The following AFF2 variants were observed in gnomAD, a reference collection of about 807,000 sequenced individuals.
AFF2 encodes AF4/FMR2 family member 2.
A neutral mutation model predicts 76.9 loss-of-function variants in AFF2; 14 were observed. The ratio of observed to expected loss-of-function variants is 0.18; its 90% CI spans 0.12 to 0.28. AFF2 has a LOEUF of 0.28. Among genes scored for constraint, AFF2 ranks in the 10% least tolerant of loss-of-function variants. The pLI is 1.00. For missense variants in AFF2, 868 were observed against 1,001.1 expected, an observed-to-expected ratio of 0.87 and a Z score of 1.79; for synonymous variants, 398 against 366.7, an observed-to-expected ratio of 1.09 and a Z score of -0.98.
Position 148,976,944 on chromosome X carries a change from G to A in AFF2, c.3405-989G>A, listed in dbSNP as rs1158070335. Reference sequence around the variant, plus strand: ...AGAGCAATAACCAGGAGAGCAAGGCGGCTAGAATGCTGAGGAGGCCGAGTC... The same window carrying A: ...AGAGCAATAACCAGGAGAGCAAGGCAGCTAGAATGCTGAGGAGGCCGAGTC... On this transcript the variant is annotated intron_variant, in intron 16 of 20. Transcript: ENST00000370460. Among the ~76,000 whole-genome samples the A allele has an allele frequency of 5.3e-5, 6 of 112,651 alleles. No homozygotes were observed. The Admixed American group carries it at 5.6e-4, about 11-fold the overall frequency.
chrX:148,521,844 A>G (rs782777155), intron 1 of AFF2, among the ~76,000 whole-genome samples: 6 of 112,133 alleles, frequency 5.4e-5, no homozygotes, highest in African/African-American at 1.9e-4. Context: ...TCTTGCACTG[A>G]GATTGAAAAG....
chrX:148,539,685 C>T (rs982724001), intron 1 of AFF2, among the ~76,000 whole-genome samples: 3 of 110,192 alleles, frequency 2.7e-5, no homozygotes, highest in African/African-American at 9.9e-5. Context: ...AAAAATAAAA[C>T]ATTGAACTAG....
rs2072025500 is a variant in AFF2 at position 148,955,708 on chromosome X, A to G, written c.1663A>G (p.Thr555Ala). ...TGGCCAAAATGAAACACCCATGGAG[A>G]CTATTTCTCTGCCTCCTCCAATCAT... ...ICGQNETPME[T>A]ISLPPPIIQP... Residue 555 changes from threonine to alanine, a missense_variant, in exon 11 of 21, where the codon ACT becomes GCT. Physicochemically the swap from Thr to Ala is moderately conservative, Grantham distance 58. This residue lies in a region of AFF2 where 532 missense variants were observed against 564.2 expected (regional missense o/e 0.94). Transcript: ENST00000370460. 1 of 1,211,621 alleles carries G rather than the reference A, an allele frequency of 8.3e-7. No individual in the cohort carries two copies. The highest frequency in any genetic ancestry group is 1.7e-5 in the African/African-American group (1 of 57,763).
At chrX:148,979,047 A>G (rs1192247502) in intron 18 of AFF2, among the ~76,000 whole-genome samples, 1 of 112,059 alleles carries the variant, frequency 8.9e-6, no homozygotes, top group African/African-American at 3.2e-5. Flanking sequence ...AAAATTTGAG[A>G]ATGAGCCCAG....
At chrX:148,980,607 A>G (rs2072379901) in intron 18 of AFF2, 131 bp from the exon 19 acceptor site, 3 of 434,286 alleles carry the variant, frequency 6.9e-6, no homozygotes, top group Admixed American at 5.8e-5. Context: ...GTGCACATAC[A>G]TCCCAGCTCT....
At chrX:148,940,184 T>G (rs2071817481) in intron 9 of AFF2, among the ~76,000 whole-genome samples, 1 of 111,800 alleles carries the variant, frequency 8.9e-6, no homozygotes. Context: ...TCTCCCATGC[T>G]TTGCAAGTGA....
chrX:148,967,515 C>A, intron 14 of AFF2, 114 bp from the exon 15 acceptor site: 4 of 693,269 alleles, frequency 5.8e-6, no homozygotes, highest in Non-Finnish European at 8.7e-6. Flanking sequence ...ATTAGTCTGC[C>A]TTTTTCAAGG....
At chrX:148,665,610 A>G (rs1330506000) in intron 3 of AFF2, among the ~76,000 whole-genome samples, 4 of 111,849 alleles carry the variant, frequency 3.6e-5, no homozygotes, top group African/African-American at 1.3e-4. Flanking sequence ...AAGGGTGCAG[A>G]TTAAAATGCG....
At chrX:148,928,983 A>G (rs1242860299) in intron 9 of AFF2, among the ~76,000 whole-genome samples, 1 of 112,000 alleles carries the variant, frequency 8.9e-6, no homozygotes, top group Admixed American at 9.5e-5. Context: ...TCATTTGATG[A>G]GTCAGTTGAT....
intron 1 of AFF2, among the ~76,000 whole-genome samples, chrX:148,619,465 TTGA>T (rs1201461918): frequency 2.7e-5 from 3 of 112,239 alleles, no homozygotes; most frequent in Non-Finnish European, 5.6e-5. Flanking sequence ...TCCAATGTAA[TTGA>T]TGAACATATT....
chrX:148,950,602 T>G (rs1329857884), intron 9 of AFF2, among the ~76,000 whole-genome samples: 1 of 112,012 alleles, frequency 8.9e-6, no homozygotes, highest in African/African-American at 3.2e-5. Context: ...CTTCTTGTTC[T>G]TCCTATACTA....
chrX:148,914,099 C>T (rs1557282262), intron 9 of AFF2, among the ~76,000 whole-genome samples: 1 of 111,759 alleles, frequency 8.9e-6, no homozygotes, highest in Non-Finnish European at 1.9e-5. Context: ...GCATGTGTAG[C>T]ATTCTATGGG....
At chrX:148,636,743 A>G (rs1395407322) in intron 1 of AFF2, among the ~76,000 whole-genome samples, 3 of 111,775 alleles carry the variant, frequency 2.7e-5, no homozygotes, top group African/African-American at 9.7e-5. Flanking sequence ...TGTGTGAAAC[A>G]GGTAGAAAAA....
At chrX:148,930,310 A>C (rs1350921693) in intron 9 of AFF2, among the ~76,000 whole-genome samples, 1 of 112,052 alleles carries the variant, frequency 8.9e-6, no homozygotes, top group East Asian at 2.8e-4. Context: ...AAAATCTTTC[A>C]CACTGAACTA....
intron 16 of AFF2, among the ~76,000 whole-genome samples, chrX:148,977,169 A>G (rs979907440): frequency 8.9e-6 from 1 of 112,149 alleles, no homozygotes; most frequent in Admixed American, 9.4e-5. Context: ...AGCTCAGACA[A>G]TGATTTTATG....
chrX:148,529,574 G>A (rs992363874), intron 1 of AFF2, among the ~76,000 whole-genome samples: 2 of 111,959 alleles, frequency 1.8e-5, no homozygotes, highest in African/African-American at 6.5e-5. Context: ...AATTGGATGC[G>A]TGTTTGTCCA....
intron 3 of AFF2, among the ~76,000 whole-genome samples, chrX:148,671,462 G>T (rs1347379550): frequency 7.2e-5 from 8 of 111,754 alleles, no homozygotes; most frequent in Non-Finnish European, 1.5e-4. Flanking sequence ...GAGTTATTTT[G>T]CCTTTCTAGG....
intron 1 of AFF2, among the ~76,000 whole-genome samples, chrX:148,605,581 C>A (rs188254334): frequency 1.9e-4 from 21 of 111,591 alleles, no homozygotes; most frequent in African/African-American, 6.2e-4. Context: ...GTAATTGAGT[C>A]CGGCACTGGG....
chrX:148,728,919 T>A (rs1422838521), intron 3 of AFF2, among the ~76,000 whole-genome samples: 4 of 112,206 alleles, frequency 3.6e-5, no homozygotes, highest in African/African-American at 9.7e-5. Flanking sequence ...CGAGCAATTT[T>A]AAGCTTTTAG....
Sources: allele counts gnomAD v4.1 joint callset (sites outside exome capture counted in the v4.1 genomes callset), GRCh38; gene constraint gnomAD v4.1.1; regional missense constraint gnomAD v4.1.1; transcripts MANE v1.5; gene names NCBI Gene and HGNC (gene_info 2026-07-23, HGNC 2026-07-21).